The following ERBB4 variants were observed in gnomAD, a reference collection of about 807,000 sequenced individuals.
ERBB4 encodes the protein receptor tyrosine-protein kinase erbB-4.
Under a neutral mutation model 158.0 loss-of-function variants are expected in ERBB4, and 42 were observed. The observed-to-expected ratio is 0.27, with a 90% CI of 0.21 to 0.34. The LOEUF (loss-of-function observed/expected upper bound fraction) is 0.34, where lower values mean the gene tolerates loss of function less well. ERBB4 is among the 10% of genes least tolerant of loss of function. ERBB4 has a pLI of 1.00. For missense variants in ERBB4, 1,333 were observed against 1,624.1 expected (o/e 0.82, Z 3.08); for synonymous variants, 583 against 558.7 (o/e 1.04, Z -0.61).
chr2:211,617,978 T>C (rs1287714691), intron 19 of ERBB4, among the ~76,000 whole-genome samples: 1 of 152,066 alleles, frequency 6.6e-6, no homozygotes, highest in Non-Finnish European at 1.5e-5. Context: ...ATACATAATT[T>C]TATTCCATCC....
intron 1 of ERBB4, among the ~76,000 whole-genome samples, chr2:212,502,925 C>T (rs767984211): frequency 9.9e-5 from 15 of 152,114 alleles, no homozygotes; most frequent in Non-Finnish European, 2.1e-4. Context: ...AACATGCCAC[C>T]ATGCCCAGCT....
intron 20 of ERBB4, among the ~76,000 whole-genome samples, chr2:211,486,401 T>C (rs180849412): frequency 6.6e-6 from 1 of 152,298 alleles, no homozygotes; most frequent in Admixed American, 6.5e-5. Context: ...GTAAATTGAT[T>C]CTAACACATT....
At chr2:212,185,621 C>T (rs1351985162) in intron 1 of ERBB4, among the ~76,000 whole-genome samples, 1 of 151,870 alleles carries the variant, frequency 6.6e-6, no homozygotes, top group Non-Finnish European at 1.5e-5. Flanking sequence ...TAAGTAGGGT[C>T]CACATTATAA....
chr2:211,810,261 T>C (rs1350966623), intron 3 of ERBB4, among the ~76,000 whole-genome samples: 1 of 152,138 alleles, frequency 6.6e-6, no homozygotes, highest in African/African-American at 2.4e-5. Context: ...CCTTCTGTCT[T>C]GTTGATCTGT....
chr2:211,420,251 C>A (rs1381794643), intron 25 of ERBB4, among the ~76,000 whole-genome samples, 190 bp downstream of exon 25: 1 of 151,854 alleles, frequency 6.6e-6, no homozygotes, highest in Non-Finnish European at 1.5e-5. Context: ...GTTGTATTGT[C>A]CATGCTTGTC....
rs192571938 is a variant in ERBB4, at chr2:212,338,045, G to A, written c.82+200404C>T. 1.5e-3 allele frequency among the ~76,000 whole-genome samples: 235 copies of A among 152,192 alleles called. 4 individuals are homozygous for A. The highest frequency in any genetic ancestry group is 0.015 in the Admixed American group (231 of 15,252). On this transcript the variant is annotated intron_variant, in intron 1 of 27. Coordinates refer to ENST00000342788, the MANE Select transcript of ERBB4 (RefSeq NM_005235.3). The stretch of plus-strand genomic sequence containing the variant: ...TGAAACTGTCCAGGGCAGACTTTAT[G>A]TCATACTGATCTTGAATCCCAATCC...
chr2:211,499,420 G>A (rs942436480), intron 20 of ERBB4, among the ~76,000 whole-genome samples: 5 of 152,038 alleles, frequency 3.3e-5, no homozygotes, highest in African/African-American at 1.2e-4. Context: ...CTACTCGAGA[G>A]GCTGAGGCAG....
At position 211,733,541 on chromosome 2, in the gene ERBB4, TA is replaced by T. The variant is rs559702252; in HGVS notation, c.623-8348del. 8.9e-4 allele frequency among the ~76,000 whole-genome samples: 131 copies of T among 146,966 alleles called. 1 individual carries two copies. The South Asian group carries it at 0.02, about 22-fold the overall frequency. On this transcript the variant is annotated intron_variant, in intron 5 of 27. Transcript: ENST00000342788. ...AAATGATAGGCTGCAGATAAAGTAGTAAAAAAAAGTCATAATTATATCATAG... is the reference window on the plus strand; with the variant it reads ...AAATGATAGGCTGCAGATAAAGTAGTAAAAAAAGTCATAATTATATCATAG...
intron 25 of ERBB4, among the ~76,000 whole-genome samples, chr2:211,415,157 C>T (rs2063359030): frequency 7.8e-6 from 1 of 127,568 alleles, no homozygotes; most frequent in Non-Finnish European, 1.6e-5. Context: ...CGCTCTGTCG[C>T]CCAGGCTGGA....
intron 1 of ERBB4, among the ~76,000 whole-genome samples, chr2:212,427,212 A>T (rs1186872229): frequency 6.6e-6 from 1 of 152,162 alleles, no homozygotes; most frequent in African/African-American, 2.4e-5. Flanking sequence ...GCTCACTATC[A>T]TTACTATGCA....
At chr2:211,722,763 C>T (rs2074144942) in intron 6 of ERBB4, among the ~76,000 whole-genome samples, 1 of 152,064 alleles carries the variant, frequency 6.6e-6, no homozygotes. Flanking sequence ...AGCCTGTATC[C>T]AGTAATTTCT....
chr2:212,500,890 C>A (rs573675449), intron 1 of ERBB4, among the ~76,000 whole-genome samples: 3 of 152,164 alleles, frequency 2.0e-5, no homozygotes, highest in African/African-American at 7.2e-5. Flanking sequence ...TTGGAATACA[C>A]CTGGCATATA....
At chr2:212,205,573 T>C (rs1331601775) in intron 1 of ERBB4, among the ~76,000 whole-genome samples, 1 of 152,206 alleles carries the variant, frequency 6.6e-6, no homozygotes, top group African/African-American at 2.4e-5. Context: ...ATTTACTTTC[T>C]GAATTCCAAA....
At chr2:212,192,007 A>ATATGTTAT (rs1491138840) in intron 1 of ERBB4, among the ~76,000 whole-genome samples, 19 of 99,116 alleles carry the variant, frequency 1.9e-4, no homozygotes, top group African/African-American at 5.3e-4. Context: ...TGTTATATAT[A>ATATGTTAT]ATATATGTTA....
At chr2:212,438,384 A>C (rs1344642292) in intron 1 of ERBB4, among the ~76,000 whole-genome samples, 1 of 152,112 alleles carries the variant, frequency 6.6e-6, no homozygotes, top group African/African-American at 2.4e-5. Flanking sequence ...AGCTACTGGC[A>C]AAATTCCTGG....
intron 2 of ERBB4, among the ~76,000 whole-genome samples, chr2:212,094,623 C>G (rs1371611016): frequency 6.6e-6 from 1 of 152,126 alleles, no homozygotes; most frequent in Non-Finnish European, 1.5e-5. Context: ...TGCTCCTGCT[C>G]TCACCATGTG....
At chr2:211,567,979 T>C (rs565659712) in intron 19 of ERBB4, among the ~76,000 whole-genome samples, 2 of 152,182 alleles carry the variant, frequency 1.3e-5, no homozygotes, top group East Asian at 3.9e-4. Context: ...CCTCTGTTAG[T>C]TATCTTTGTG....
chr2:211,523,823 G>A (rs560042396), intron 20 of ERBB4, among the ~76,000 whole-genome samples: 4 of 152,216 alleles, frequency 2.6e-5, no homozygotes, highest in Non-Finnish European at 5.9e-5. Context: ...GCTGGCTTGG[G>A]CAGCCTGCTT....
At chr2:212,149,406 G>A (rs2080794456) in intron 1 of ERBB4, among the ~76,000 whole-genome samples, 1 of 151,862 alleles carries the variant, frequency 6.6e-6, no homozygotes, top group African/African-American at 2.4e-5. Flanking sequence ...AAATAAAATG[G>A]GTTATAAAGA....
Sources: gnomAD v4.1 joint callset for allele counts (sites outside exome capture counted in the v4.1 genomes callset) on GRCh38, gnomAD v4.1.1 for gene constraint, MANE v1.5 for transcripts, NCBI Gene and HGNC (gene_info 2026-07-23, HGNC 2026-07-21) for gene names.